The following UNC5D variants were observed in gnomAD, a reference collection of about 807,000 sequenced individuals.
The protein encoded by UNC5D is netrin receptor UNC5D.
Under a neutral mutation model 105.4 loss-of-function variants are expected in UNC5D, and 39 were observed. That is an observed-to-expected ratio of 0.37 (90% CI 0.29 to 0.48). UNC5D has a LOEUF of 0.48. Ranked by LOEUF, UNC5D falls within the 20% of genes least tolerant of loss-of-function variation. UNC5D has a pLI of 0.98. For missense variants in UNC5D, 991 were observed against 1,202.4 expected (o/e 0.82, Z 2.60); for synonymous variants, 452 against 450.4 (o/e 1.00, Z -0.04).
At chr8:35,441,905 G>A (rs544836567) in intron 1 of UNC5D, among the ~76,000 whole-genome samples, 2 of 151,746 alleles carry the variant, frequency 1.3e-5, no homozygotes, top group Non-Finnish European at 2.9e-5. Flanking sequence ...GTTTGATGAA[G>A]CGCCCTGTCT....
chr8:35,305,944 T>C (rs1031882570), intron 1 of UNC5D, among the ~76,000 whole-genome samples: 13 of 150,520 alleles, frequency 8.6e-5, no homozygotes, highest in Non-Finnish European at 1.8e-4. Flanking sequence ...CTCTGATGTT[T>C]TTTCTTCTTA....
At chr8:35,348,677 A>G (rs1036578669) in intron 1 of UNC5D, among the ~76,000 whole-genome samples, 1 of 151,898 alleles carries the variant, frequency 6.6e-6, no homozygotes, top group Non-Finnish European at 1.5e-5. Context: ...GATACAGGAA[A>G]GAGGAATGAT....
intron 3 of UNC5D, among the ~76,000 whole-genome samples, chr8:35,582,742 C>T (rs757005220): frequency 6.6e-6 from 1 of 152,124 alleles, no homozygotes; most frequent in Non-Finnish European, 1.5e-5. Context: ...TTCCTTTCAT[C>T]CCTCTCCAGG....
intron 7 of UNC5D, among the ~76,000 whole-genome samples, chr8:35,688,521 A>T (rs1478723300): frequency 6.6e-6 from 1 of 152,172 alleles, no homozygotes; most frequent in African/African-American, 2.4e-5. Flanking sequence ...ACAAGCACTG[A>T]TTACCCTGCA....
chr8:35,507,796 A>G (rs1812435496), intron 1 of UNC5D, among the ~76,000 whole-genome samples: 1 of 152,226 alleles, frequency 6.6e-6, no homozygotes, highest in South Asian at 2.1e-4. Flanking sequence ...TAAATGCTTG[A>G]GGGGATGGAT....
intron 11 of UNC5D, among the ~76,000 whole-genome samples, chr8:35,734,853 G>A (rs1829384463): frequency 6.8e-6 from 1 of 147,754 alleles, no homozygotes; most frequent in Admixed American, 6.7e-5. Flanking sequence ...CGCCATCTTG[G>A]CTCACTGCAA....
At chr8:35,242,129 T>C (rs1422325080) in intron 1 of UNC5D, among the ~76,000 whole-genome samples, 3 of 152,162 alleles carry the variant, frequency 2.0e-5, no homozygotes, top group Admixed American at 6.5e-5. Flanking sequence ...CCAGAAAGAT[T>C]GGTACAGGTA....
intron 14 of UNC5D, among the ~76,000 whole-genome samples, chr8:35,761,393 T>C (rs1262978922): frequency 2.0e-5 from 3 of 152,038 alleles, no homozygotes; most frequent in Non-Finnish European, 4.4e-5. Context: ...ATTCCGACAC[T>C]AGGGATACCA....
At chr8:35,785,705 T>C (rs1356490453) in intron 16 of UNC5D, among the ~76,000 whole-genome samples, 1 of 152,110 alleles carries the variant, frequency 6.6e-6, no homozygotes. Context: ...TTTAATAGTG[T>C]GAGAAACACA....
At chr8:35,401,210 G>T (rs558434197) in intron 1 of UNC5D, among the ~76,000 whole-genome samples, 1 of 152,202 alleles carries the variant, frequency 6.6e-6, no homozygotes, top group South Asian at 2.1e-4. Context: ...GGGGCCAGGT[G>T]CAGTGGTTCA....
At chr8:35,258,974 C>T (rs574150949) in intron 1 of UNC5D, among the ~76,000 whole-genome samples, 13 of 152,188 alleles carry the variant, frequency 8.5e-5, no homozygotes, top group African/African-American at 2.4e-4. Context: ...GACCAAAGCC[C>T]GTTATCTGGA....
intron 4 of UNC5D, among the ~76,000 whole-genome samples, chr8:35,675,978 T>C (rs1825184835): frequency 6.6e-6 from 1 of 151,908 alleles, no homozygotes. Context: ...GACATATTCA[T>C]ATGTTAAGCC....
intron 4 of UNC5D, among the ~76,000 whole-genome samples, chr8:35,677,950 GTA>G (rs371264695): frequency 6.0e-5 from 9 of 150,880 alleles, no homozygotes; most frequent in Admixed American, 1.3e-4. Flanking sequence ...GTGTGTATGT[GTA>G]TATATATATA....
At position 35,726,073 on chromosome 8, in the gene UNC5D, C is replaced by T; in HGVS notation, c.1304-79C>T. 2.0e-6 allele frequency: 3 copies of T among 1,520,370 alleles called. No homozygotes were observed. The South Asian group carries it at 3.8e-5, about 19-fold the overall frequency. The allele number at this position is 1,520,370 out of a possible 1,614,324, so 94.2% of individuals were successfully genotyped here. ...GCTGGCACCTATGCAGGCTGTTGCG[C>T]AGTTTGCAGAGGCAGAAGTACAGGA... On this transcript the variant is annotated intron_variant, in intron 9 of 16. Transcript: ENST00000404895.
chr8:35,262,422 A>G (rs765096048), intron 1 of UNC5D, among the ~76,000 whole-genome samples: 1 of 152,218 alleles, frequency 6.6e-6, no homozygotes, highest in African/African-American at 2.4e-5. Flanking sequence ...GGCCTTTCAT[A>G]TTAGGTTCAA....
At chr8:35,432,816 T>C (rs1435703743) in intron 1 of UNC5D, among the ~76,000 whole-genome samples, 2 of 152,158 alleles carry the variant, frequency 1.3e-5, no homozygotes, top group Non-Finnish European at 2.9e-5. Context: ...CCTGCCGGAG[T>C]ACTTTGATCT....
rs373508864 is a variant in UNC5D at position 35,409,274 on chromosome 8, G to A, written c.104-140018G>A. Among the ~76,000 whole-genome samples the A allele has an allele frequency of 7.2e-5, 11 of 152,126 alleles. No homozygotes were observed. In the South Asian group the frequency reaches 1.0e-3, roughly 14 times the overall value. On this transcript the variant is annotated intron_variant, in intron 1 of 16. Coordinates refer to ENST00000404895, the MANE Select transcript of UNC5D (RefSeq NM_080872.4). ...GGGTAAATATCTAGGAGTGTGGTAAGTATATGTGAACTTGTAACAAGAAAT... is the reference window on the plus strand; with the variant it reads ...GGGTAAATATCTAGGAGTGTGGTAAATATATGTGAACTTGTAACAAGAAAT...
chr8:35,403,983 T>A (rs1230965047), intron 1 of UNC5D, among the ~76,000 whole-genome samples: 2 of 152,166 alleles, frequency 1.3e-5, no homozygotes, highest in Non-Finnish European at 2.9e-5. Context: ...CTGTGTGAGA[T>A]GACAGTGTGG....
chr8:35,617,714 T>C (rs896011907), intron 4 of UNC5D, among the ~76,000 whole-genome samples: 3 of 152,214 alleles, frequency 2.0e-5, no homozygotes, highest in Admixed American at 6.5e-5. Flanking sequence ...TCCCATTGCA[T>C]GTAACTCAGA....
Sources: allele counts gnomAD v4.1 joint callset (sites outside exome capture counted in the v4.1 genomes callset), GRCh38; gene constraint gnomAD v4.1.1; transcripts MANE v1.5; gene names NCBI Gene and HGNC (gene_info 2026-07-23, HGNC 2026-07-21).